RIN3: variants seen among roughly 807,000 people sequenced by gnomAD.
The protein encoded by RIN3 is Ras and Rab interactor 3, also known as RAB5 interacting protein 3.
Under a neutral mutation model 76.3 loss-of-function variants are expected in RIN3, and 54 were observed. The observed-to-expected ratio is 0.71, with a 90% CI of 0.57 to 0.89. RIN3 has a LOEUF of 0.89. Among genes scored for constraint, RIN3 ranks in the 40% least tolerant of loss-of-function variants. RIN3 has a pLI of 0.00. For missense variants in RIN3, 1,256 were observed against 1,322.1 expected (o/e 0.95, Z 0.78); for synonymous variants, 576 against 564.0 (o/e 1.02, Z -0.30).
rs1235581046 is a variant in RIN3 at position 92,656,281 on chromosome 14, T to C, written c.2027-2880T>C. Among the ~76,000 whole-genome samples the C allele has an allele frequency of 6.6e-6, 1 of 152,098 alleles. No homozygotes were observed. ...AAGGCCGAGAGGTGGGGAACGAGGCTGGAGGATCACGGGCCATTCACACAG... is the reference window on the plus strand; with the variant it reads ...AAGGCCGAGAGGTGGGGAACGAGGCCGGAGGATCACGGGCCATTCACACAG... On this transcript the variant is annotated intron_variant, in intron 6 of 9. Coordinates refer to ENST00000216487, the MANE Select transcript of RIN3 (RefSeq NM_024832.5). This position sits in a 1 kb window ranked among gnomAD's most constrained non-coding sequence, Gnocchi z 5.2.
intron 3 of RIN3, among the ~76,000 whole-genome samples, chr14:92,600,722 A>G (rs1225391525): frequency 1.3e-5 from 2 of 152,242 alleles, no homozygotes; most frequent in Non-Finnish European, 2.9e-5. Context: ...CAAGGAGCAC[A>G]AACTGGTTCT....
intron 2 of RIN3, among the ~76,000 whole-genome samples, chr14:92,566,389 G>A (rs1012550194): frequency 2.0e-5 from 3 of 152,156 alleles, no homozygotes; most frequent in East Asian, 1.9e-4. Flanking sequence ...CAGGCAAATG[G>A]CTTTCTCCTC....
chr14:92,652,199 A>G lies in RIN3; in HGVS notation c.1150A>G (p.Thr384Ala). The G allele has an allele frequency of 1.9e-6, 3 of 1,605,168 alleles. No individual in the cohort carries two copies. The highest frequency in any genetic ancestry group is 2.2e-5 in the South Asian group (2 of 90,656). ...PPLPAKKNLPTAPPRRRVSER... is the reference protein window; with the variant it reads ...PPLPAKKNLPAAPPRRRVSER... The stretch of plus-strand genomic sequence containing the variant: ...ACTGCCTGCGAAGAAGAACCTTCCC[A>G]CTGCCCCTCCCAGACGCCGCGTTTC... The change falls in exon 6 of 10, where the codon ACT becomes GCT. Residue 384 changes from threonine (T) to alanine (A), a missense_variant. This residue lies in a region of RIN3 where 610 missense variants were observed against 626.4 expected (regional missense o/e 0.97). Coordinates refer to ENST00000216487, the MANE Select transcript of RIN3 (RefSeq NM_024832.5). This position sits in a 1 kb window ranked among gnomAD's most constrained non-coding sequence, Gnocchi z 6.4.
chr14:92,556,566 GGACA>G (rs923322949), intron 2 of RIN3, among the ~76,000 whole-genome samples: 7 of 149,334 alleles, frequency 4.7e-5, no homozygotes, highest in African/African-American at 9.9e-5. Flanking sequence ...ACAGATGGAT[GGACA>G]GACAGACAGA....
intron 1 of RIN3, among the ~76,000 whole-genome samples, chr14:92,545,785 C>T (rs1897248017): frequency 6.6e-6 from 1 of 151,898 alleles, no homozygotes; most frequent in Non-Finnish European, 1.5e-5. Context: ...AAGTTGCAGA[C>T]ATTTTATCTC....
chr14:92,683,376 C>T (rs1241460065), intron 8 of RIN3, among the ~76,000 whole-genome samples: 1 of 152,112 alleles, frequency 6.6e-6, no homozygotes, highest in Non-Finnish European at 1.5e-5. Flanking sequence ...CTCTGGGACT[C>T]GGTTTTCTCT....
At chr14:92,584,134 C>G (rs921000561) in intron 3 of RIN3, among the ~76,000 whole-genome samples, 1 of 152,004 alleles carries the variant, frequency 6.6e-6, no homozygotes, top group Non-Finnish European at 1.5e-5. Context: ...ACTTGAGCAT[C>G]CTCAGATTTC....
rs569119453 is a variant in RIN3, at chr14:92,553,847, C to T, written c.45-1904C>T. Among the ~76,000 whole-genome samples the T allele has an allele frequency of 8.5e-5, 13 of 152,268 alleles. No individual in the cohort carries two copies. The East Asian group carries it at 1.9e-3, about 23-fold the overall frequency. On this transcript the variant is annotated intron_variant, in intron 1 of 9. Transcript: ENST00000216487. ...ACAACACTGCTGCCCCTGTTTAATA[C>T]AGCGCTGCCTGACCCCTCCACCACC...
chr14:92,601,736 C>T (rs1253216775), intron 3 of RIN3, among the ~76,000 whole-genome samples: 2 of 152,158 alleles, frequency 1.3e-5, no homozygotes, highest in African/African-American at 2.4e-5. Flanking sequence ...GCACCTTTAC[C>T]CAGCATCTCC....
At chr14:92,631,095 C>T (rs1886560621) in intron 4 of RIN3, among the ~76,000 whole-genome samples, 1 of 152,202 alleles carries the variant, frequency 6.6e-6, no homozygotes, top group Non-Finnish European at 1.5e-5. Context: ...ACAGTGGATG[C>T]TTGTCAGCCC....
intron 4 of RIN3, among the ~76,000 whole-genome samples, chr14:92,621,230 C>T (rs1178805048): frequency 6.0e-3 from 18 of 3,004 alleles, no homozygotes; most frequent in African/African-American, 0.011. Flanking sequence ...AGCGAGACTC[C>T]GTCTCAAAAA....
chr14:92,651,826 A>G lies in RIN3; in HGVS notation c.777A>G (p.Ala259=), dbSNP rs1261838537. 6.2e-7 allele frequency: 1 copy of G among 1,612,610 alleles called. No homozygotes were observed. ...AGCCACCTCTTGGAAATTGCCCTGC[A>G]CGCCCTTTGCCGCCCACCTCTGATG... ...TDQPPLGNCP[A]RPLPPTSDAT... Residue 259 remains alanine, a synonymous_variant, in exon 6 of 10, where the codon GCA becomes GCG. Coordinates refer to ENST00000216487, the MANE Select transcript of RIN3 (RefSeq NM_024832.5).
intron 8 of RIN3, among the ~76,000 whole-genome samples, chr14:92,680,200 CT>C (rs34005662): frequency 0.089 from 11,992 of 134,204 alleles, 598 homozygotes; most frequent in Non-Finnish European, 0.12. Context: ...CTCTCTGGCA[CT>C]TTTTTTTTTT....
chr14:92,651,736 T>C lies in RIN3; in HGVS notation c.687T>C (p.Asn229=), dbSNP rs769752456. 5 of 1,614,020 alleles carry C rather than the reference T, an allele frequency of 3.1e-6. No individual in the cohort carries two copies. In the South Asian group the frequency reaches 5.5e-5, roughly 18 times the overall value. ...CACEIELSVG[N]DRLWFVNPIF... ...GTGAAATCGAGCTGTCGGTAGGAAA[T>C]GACCGCCTGTGGTTTGTGAATCCTA... is the stretch of plus-strand genomic sequence containing the variant. The change falls in exon 6 of 10, where the codon AAT becomes AAC. Residue 229 remains asparagine (N), a synonymous_variant. Transcript: ENST00000216487.
chr14:92,584,389 G>C (rs1460306659), intron 3 of RIN3, among the ~76,000 whole-genome samples: 1 of 152,168 alleles, frequency 6.6e-6, no homozygotes, highest in Non-Finnish European at 1.5e-5. Context: ...ACATCTCATT[G>C]GCTGAAACAG....
chr14:92,674,090 G>T (rs1159015689), intron 7 of RIN3, among the ~76,000 whole-genome samples: 11 of 152,166 alleles, frequency 7.2e-5, no homozygotes, highest in Non-Finnish European at 4.4e-5. Context: ...CTTTGCTATG[G>T]CTCTGACCAC....
Position 92,659,299 on chromosome 14 carries a change from C to T in RIN3, c.2165C>T (p.Thr722Ile). 1 of 1,613,666 alleles carries T rather than the reference C, an allele frequency of 6.2e-7. No homozygotes were observed. Residue 722 changes from threonine (T) to isoleucine (I), a missense_variant, in exon 7 of 10, where the codon ACC becomes ATC. Transcript: ENST00000216487. ...GAGAACCAGTTAGTGATCCTGGCCA[C>T]CACCACCACTGACCTAGGTGTGACC... ...LKENQLVILA[T>I]TTTDLGVTTS...
chr14:92,525,951 CTT>C (rs1475002850), intron 1 of RIN3, among the ~76,000 whole-genome samples: 2 of 152,116 alleles, frequency 1.3e-5, no homozygotes, highest in East Asian at 3.9e-4. Context: ...TCTGGGGAAA[CTT>C]TTCCTGCGGC....
At chr14:92,557,276 C>T (rs1359288774) in intron 2 of RIN3, among the ~76,000 whole-genome samples, 1 of 152,230 alleles carries the variant, frequency 6.6e-6, no homozygotes, top group Non-Finnish European at 1.5e-5. Flanking sequence ...AACTGCGATG[C>T]AAAGGCATTG....
Sources: allele counts gnomAD v4.1 joint callset (sites outside exome capture counted in the v4.1 genomes callset), GRCh38; gene constraint gnomAD v4.1.1; regional missense constraint gnomAD v4.1.1; non-coding constraint Gnocchi (gnomAD v3.1); transcripts MANE v1.5; gene names NCBI Gene and HGNC (gene_info 2026-07-23, HGNC 2026-07-21).